The following DISC1 variants were observed in gnomAD, a reference collection of about 807,000 sequenced individuals.
The protein encoded by DISC1 is DISC1 scaffold protein.
DISC1 carries 57 observed loss-of-function variants against 84.5 expected under a neutral mutation model. The ratio of observed to expected loss-of-function variants is 0.67; its 90% confidence interval spans 0.55 to 0.84. The LOEUF is 0.84. Among genes scored for constraint, DISC1 ranks in the 40% least tolerant of loss-of-function variants. DISC1 has a pLI of 0.00. For synonymous variants in DISC1, 411 were observed against 415.2 expected (o/e 0.99, Z 0.12); for missense variants, 1,000 against 1,057.8 (o/e 0.95, Z 0.76).
chr1:231,869,810 G>A (rs141373912), intron 9 of DISC1, among the ~76,000 whole-genome samples: 3 of 152,276 alleles, frequency 2.0e-5, no homozygotes, highest in African/African-American at 7.2e-5. Context: ...CCATAGCAGA[G>A]TCTCTTTGTG....
At chr1:231,835,760 G>A (rs1038387228) in intron 9 of DISC1, among the ~76,000 whole-genome samples, 13 of 152,162 alleles carry the variant, frequency 8.5e-5, no homozygotes, top group African/African-American at 3.1e-4. Context: ...TTGTATGTGT[G>A]TGTGTATTTG....
At chr1:231,933,881 G>A (rs1164978293) in intron 9 of DISC1, among the ~76,000 whole-genome samples, 1 of 152,116 alleles carries the variant, frequency 6.6e-6, no homozygotes, top group Admixed American at 6.5e-5. Flanking sequence ...GAGTCAGGGT[G>A]AGACACCAAG....
At chr1:231,830,744 C>G (rs2082163123) in intron 9 of DISC1, among the ~76,000 whole-genome samples, 1 of 152,188 alleles carries the variant, frequency 6.6e-6, no homozygotes, top group African/African-American at 2.4e-5. Context: ...CTCAAATGGG[C>G]TGTACCCTGT....
At chr1:231,716,749 G>A (rs1461550125) in intron 3 of DISC1, among the ~76,000 whole-genome samples, 1 of 152,146 alleles carries the variant, frequency 6.6e-6, no homozygotes, top group Non-Finnish European at 1.5e-5. Context: ...AGGCTAAGGT[G>A]TAATTCTCAG....
chr1:231,778,970 A>G (rs557404313), intron 6 of DISC1, among the ~76,000 whole-genome samples: 16 of 152,190 alleles, frequency 1.1e-4, no homozygotes, highest in Non-Finnish European at 2.2e-4. Context: ...ACATAACAAC[A>G]GAGCAGCATC....
intron 6 of DISC1, among the ~76,000 whole-genome samples, chr1:231,773,324 G>C (rs1268771451): frequency 6.6e-6 from 1 of 152,166 alleles, no homozygotes; most frequent in Non-Finnish European, 1.5e-5. Flanking sequence ...CACAGAGAAG[G>C]CATGAATGTG....
At chr1:231,904,719 T>A (rs746638086) in intron 9 of DISC1, among the ~76,000 whole-genome samples, 2 of 151,920 alleles carry the variant, frequency 1.3e-5, no homozygotes, top group African/African-American at 2.4e-5. Context: ...TCATTTCCAC[T>A]AAGAGGAACC....
At chr1:231,956,707 A>G (rs189078648) in intron 9 of DISC1, among the ~76,000 whole-genome samples, 3 of 152,300 alleles carry the variant, frequency 2.0e-5, no homozygotes, top group Non-Finnish European at 4.4e-5. Flanking sequence ...CAGACAGGGT[A>G]TAGTGGGGGG....
Position 231,958,881 on chromosome 1 carries a change from C to T in DISC1, c.2035C>T (p.Leu679=). 1 of 1,613,520 alleles carries T rather than the reference C, an allele frequency of 6.2e-7. No homozygotes were observed. Among genetic ancestry groups the T allele is most frequent in the Non-Finnish European group, 8.5e-7 (1 of 1,179,700 alleles). Residue 679 remains leucine (L), a synonymous_variant, in exon 10 of 13, where the codon CTG becomes TTG. Coordinates refer to ENST00000439617, the MANE Select transcript of DISC1 (RefSeq NM_018662.3). ...MKYMETLKNK[L]CSCKCPLLGK... Reference sequence around the variant, plus strand: ...GTACATGGAAACACTTAAGAATAAACTGTGCAGGTAAGGATAATAATTTCT... The same window carrying T: ...GTACATGGAAACACTTAAGAATAAATTGTGCAGGTAAGGATAATAATTTCT...
chr1:231,851,989 C>G (rs1166777755), intron 9 of DISC1, among the ~76,000 whole-genome samples: 3 of 152,144 alleles, frequency 2.0e-5, no homozygotes, highest in African/African-American at 7.2e-5. Flanking sequence ...GGAGGTCTGG[C>G]TGCTGTGAGG....
chr1:231,890,501 A>G (rs1461427145), intron 9 of DISC1, among the ~76,000 whole-genome samples: 1 of 152,178 alleles, frequency 6.6e-6, no homozygotes, highest in Non-Finnish European at 1.5e-5. Flanking sequence ...ATATGATTTA[A>G]CTTAGATAGC....
chr1:231,706,722 T>C (rs2067139934), intron 3 of DISC1, among the ~76,000 whole-genome samples: 1 of 152,242 alleles, frequency 6.6e-6, no homozygotes, highest in Non-Finnish European at 1.5e-5. Flanking sequence ...AACATTTATA[T>C]ACAATGACAG....
At chr1:231,835,739 T>C (rs543133144) in intron 9 of DISC1, among the ~76,000 whole-genome samples, 1 of 152,302 alleles carries the variant, frequency 6.6e-6, no homozygotes, top group South Asian at 2.1e-4. Context: ...TTATCAATCA[T>C]TTTTTCCTAT....
At chr1:231,635,586 T>A in intron 1 of DISC1, among the ~76,000 whole-genome samples, 1 of 152,246 alleles carries the variant, frequency 6.6e-6, no homozygotes, top group East Asian at 1.9e-4. Flanking sequence ...CCCTCATCTA[T>A]GTAGTACACT....
chr1:232,010,639 A>T (rs1247163630), intron 11 of DISC1, among the ~76,000 whole-genome samples: 1 of 152,226 alleles, frequency 6.6e-6, no homozygotes, highest in Non-Finnish European at 1.5e-5. Flanking sequence ...TGTGCTTAAT[A>T]TAAAATTTAC....
chr1:231,996,762 T>G (rs1017925055), intron 10 of DISC1, among the ~76,000 whole-genome samples: 3 of 152,168 alleles, frequency 2.0e-5, no homozygotes, highest in Non-Finnish European at 4.4e-5. Context: ...AGACCCCATT[T>G]TACTTCCAAC....
At chr1:231,665,324 G>A (rs2061927422) in intron 1 of DISC1, among the ~76,000 whole-genome samples, 1 of 151,940 alleles carries the variant, frequency 6.6e-6, no homozygotes, top group East Asian at 1.9e-4. Flanking sequence ...TTTGTGTTTG[G>A]AGCAATACTA....
rs1272593299 is a variant in DISC1, at chr1:231,886,746, T to TCTTCCTTC, written c.1981+68236_1981+68237insCCTTCCTT. 5.8e-3 allele frequency among the ~76,000 whole-genome samples: 872 copies of TCTTCCTTC among 149,286 alleles called. 11 individuals are homozygous for TCTTCCTTC. The highest frequency in any genetic ancestry group is 0.021 in the African/African-American group (837 of 39,768). ...GAACAGACCTGACTTTCTTTCTCTT[T>TCTTCCTTC]CTTCCTTTCTTCCTTCCTTCCTTTC... On this transcript the variant is annotated intron_variant, in intron 9 of 12. Coordinates refer to ENST00000439617, the MANE Select transcript of DISC1 (RefSeq NM_018662.3).
intron 10 of DISC1, among the ~76,000 whole-genome samples, chr1:231,991,135 C>G (rs889228059): frequency 2.0e-5 from 3 of 152,232 alleles, no homozygotes; most frequent in African/African-American, 7.2e-5. Flanking sequence ...CACTTAGCTG[C>G]ACATAATTAT....
Sources: allele counts gnomAD v4.1 joint callset (sites outside exome capture counted in the v4.1 genomes callset), GRCh38; gene constraint gnomAD v4.1.1; transcripts MANE v1.5; gene names NCBI Gene and HGNC (gene_info 2026-07-23, HGNC 2026-07-21).